The following ZFC3H1 variants were observed in gnomAD, a reference collection of about 807,000 sequenced individuals.
ZFC3H1 encodes zinc finger C3H1-type containing.
ZFC3H1 carries 71 observed loss-of-function variants against 243.7 expected under a neutral mutation model. The observed-to-expected ratio is 0.29, with a 90% CI of 0.24 to 0.36. ZFC3H1 has a LOEUF of 0.36. ZFC3H1 is among the 10% of genes least tolerant of loss of function. The pLI, the probability that ZFC3H1 is intolerant of heterozygous loss-of-function variation, is 1.00. For synonymous variants in ZFC3H1, 838 were observed against 813.0 expected, an observed-to-expected ratio of 1.03 and a Z score of -0.52; for missense variants, 1,966 against 2,317.1, an observed-to-expected ratio of 0.85 and a Z score of 3.11.
intron 22 of ZFC3H1, among the ~76,000 whole-genome samples, chr12:71,626,006 C>T (rs1202046196): frequency 4.6e-5 from 7 of 152,030 alleles, no homozygotes; most frequent in Non-Finnish European, 8.8e-5. Context: ...AACAATTTTA[C>T]ATTTTTTCTT....
intron 27 of ZFC3H1, among the ~76,000 whole-genome samples, chr12:71,616,653 G>C (rs143828608): frequency 6.6e-6 from 1 of 152,120 alleles, no homozygotes; most frequent in Non-Finnish European, 1.5e-5. Context: ...GTTTTTAAAG[G>C]AAATACATTG....
Position 71,613,339 on chromosome 12 carries a change from A to C in ZFC3H1, c.5623T>G (p.Leu1875Val). Residue 1875 changes from leucine (L) to valine (V), a missense_variant, in exon 31 of 35, where the codon TTG becomes GTG. Leu to Val is a conservative substitution (Grantham distance 32). This residue lies in a region of ZFC3H1 where 1,383 missense variants were observed against 1,723.7 expected (regional missense o/e 0.80). Transcript: ENST00000378743. Reference sequence around the variant, plus strand: ...AGAATGTTAAGTTTTTCTTACCTCAATGCAAGTCCAGAATTAGCTGGCATA... The same window carrying C: ...AGAATGTTAAGTTTTTCTTACCTCACTGCAAGTCCAGAATTAGCTGGCATA... ...SVMPANSGLA[L>V]RLLQHEWEES... The C allele has an allele frequency of 6.2e-7, 1 of 1,608,668 alleles. No individual in the cohort carries two copies. Among genetic ancestry groups the C allele is most frequent in the Non-Finnish European group, 8.5e-7 (1 of 1,176,710 alleles).
intron 21 of ZFC3H1, among the ~76,000 whole-genome samples, chr12:71,627,139 C>A (rs1307886209): frequency 1.3e-5 from 2 of 150,606 alleles, no homozygotes; most frequent in South Asian, 2.1e-4. Flanking sequence ...AAAAAAAAAA[C>A]CCTTGAATTA....
intron 18 of ZFC3H1, among the ~76,000 whole-genome samples, chr12:71,630,142 G>A (rs879630856): frequency 7.9e-5 from 12 of 152,106 alleles, no homozygotes; most frequent in South Asian, 4.1e-4. Context: ...AGTGTATCAA[G>A]TCTTATTTCA....
At chr12:71,626,725 T>C (rs920803222) in intron 21 of ZFC3H1, among the ~76,000 whole-genome samples, 2 of 152,218 alleles carry the variant, frequency 1.3e-5, no homozygotes, top group Non-Finnish European at 2.9e-5. Flanking sequence ...GATTATCAAC[T>C]TCAAATGTGC....
rs1406760379 is a variant in ZFC3H1 at position 71,663,683 on chromosome 12, TTC to T, written c.-75_-74del. ...CCGCCCGACAATTGCCTCGTTTCCC[TTC>T]TTTCCTAACGGACTGGGTCGGTGCG... On this transcript the variant is annotated 5_prime_UTR_variant, in exon 1 of 35. Transcript: ENST00000378743. 9 of 1,527,228 alleles carry T rather than the reference TTC, an allele frequency of 5.9e-6. No homozygotes were observed. In the Admixed American group the frequency reaches 7.1e-5, roughly 12 times the overall value. 94.6% of individuals were successfully genotyped at this position (1,527,228 alleles called of 1,614,324 possible). A position where few individuals can be genotyped will look rare whatever the true frequency, so the allele number is the denominator to read the frequency against.
chr12:71,613,237 GAAC>G (rs1879815665), intron 31 of ZFC3H1, 95 bp downstream of exon 31: 1 of 822,138 alleles, frequency 1.2e-6, no homozygotes. Context: ...GGACATAGTG[GAAC>G]AACAGACTAT....
chr12:71,636,885 TAAG>T lies in ZFC3H1; in HGVS notation c.1897_1899del (p.Leu633del). 6.2e-7 allele frequency: 1 copy of T among 1,614,006 alleles called. No individual in the cohort carries two copies. Among genetic ancestry groups the T allele is most frequent in the African/African-American group, 1.3e-5 (1 of 75,006 alleles). ...AAAGCTCTTTTATTTGCTAGAGATT[TAAG>T]TAGTTCTTCTCGAAGCAGCATTTCT... On this transcript the variant is annotated inframe_deletion, in exon 8 of 35. Coordinates refer to ENST00000378743, the MANE Select transcript of ZFC3H1 (RefSeq NM_144982.5).
chr12:71,636,850 C>G lies in ZFC3H1; in HGVS notation c.1935G>C (p.Glu645Asp). The part of the protein sequence containing the change: ...SLANKRAFKP[E>D]ETSSNSDPPS... ...CTAGAGGTTTAGGTACCTAAATTAC[C>G]TCTGGCTTAAAAGCTCTTTTATTTG... Residue 645 changes from glutamate (E) to aspartate (D), a missense_variant and splice_region_variant, in exon 8 of 35, where the codon GAG becomes GAC. Glu to Asp is a conservative substitution (Grantham distance 45). This residue lies in a region of ZFC3H1 where 1,383 missense variants were observed against 1,723.7 expected (regional missense o/e 0.80). Transcript: ENST00000378743. The G allele has an allele frequency of 6.2e-7, 1 of 1,613,690 alleles. No individual in the cohort carries two copies. The highest frequency in any genetic ancestry group is 8.5e-7 in the Non-Finnish European group (1 of 1,179,836).
At chr12:71,662,308 A>T (rs1881199512) in intron 1 of ZFC3H1, among the ~76,000 whole-genome samples, 1 of 152,182 alleles carries the variant, frequency 6.6e-6, no homozygotes, top group Non-Finnish European at 1.5e-5. Flanking sequence ...TAACGTATTA[A>T]AATAAAAATG....
At chr12:71,619,788 A>G (rs1879979170) in intron 26 of ZFC3H1, 138 bp downstream of exon 26, 1 of 735,996 alleles carries the variant, frequency 1.4e-6, no homozygotes, top group Non-Finnish European at 2.2e-6. Context: ...CACTGTACTA[A>G]GTGCTATGGC....
intron 3 of ZFC3H1, among the ~76,000 whole-genome samples, chr12:71,647,028 G>A (rs558277358): frequency 6.6e-5 from 10 of 152,112 alleles, no homozygotes; most frequent in African/African-American, 2.2e-4. Flanking sequence ...TATTGTGAGG[G>A]TATTAAAAAA....
chr12:71,620,358 A>T, intron 24 of ZFC3H1, 43 bp from the exon 25 acceptor site: 1 of 1,595,156 alleles, frequency 6.3e-7, no homozygotes, highest in Non-Finnish European at 8.6e-7. Context: ...GTCAATCATA[A>T]AAATGAAATA....
In ZFC3H1 at chr12:71,631,855, T is replaced by C. The variant is rs750550305; in HGVS notation, c.3393A>G (p.Ala1131=). The C allele has an allele frequency of 1.8e-5, 29 of 1,613,656 alleles. No homozygotes were observed. Among genetic ancestry groups the C allele is most frequent in the Non-Finnish European group, 2.3e-5 (27 of 1,179,810 alleles). The change falls in exon 16 of 35, where the codon GCA becomes GCG. Residue 1131 remains alanine (A), a synonymous_variant. Coordinates refer to ENST00000378743, the MANE Select transcript of ZFC3H1 (RefSeq NM_144982.5). ...GCTTCACTTCCATTGTTTTACTTTG[T>C]GCTGTGACAAAATCCACATCTACAG... ...EISVDVDFVT[A]QSKTMEVKPC... is the part of the protein sequence containing the mutation.
chr12:71,611,132 AAGG>A, intron 32 of ZFC3H1, 35 bp from the exon 33 acceptor site: 1 of 1,521,096 alleles, frequency 6.6e-7, no homozygotes, highest in Non-Finnish European at 8.8e-7. Flanking sequence ...AATATAGAAA[AAGG>A]AAAAGAAAAA....
At position 71,663,576 on chromosome 12, in the gene ZFC3H1, C is replaced by T. The variant is rs1201434595; in HGVS notation, c.35G>A (p.Ser12Asn). The change falls in exon 1 of 35, where the codon AGT (serine) becomes AAT (asparagine). Residue 12 changes from serine to asparagine, a missense_variant. Ser to Asn is a conservative substitution (Grantham distance 46). This residue lies in a region of ZFC3H1 where 484 missense variants were observed against 449.7 expected (regional missense o/e 1.08). Coordinates refer to ENST00000378743, the MANE Select transcript of ZFC3H1 (RefSeq NM_144982.5). The stretch of plus-strand genomic sequence containing the variant: ...CCCTTCTTCCTTCGGCGAGAGGCCA[C>T]TGGAGGCCGGGGCCGGAGTATCTGC... ...ATADTPAPASSGLSPKEEGEL... is the reference protein window; with the variant it reads ...ATADTPAPASNGLSPKEEGEL... The T allele has an allele frequency of 6.2e-7, 1 of 1,612,528 alleles. No homozygotes were observed. Among genetic ancestry groups the T allele is most frequent in the Middle Eastern group, 1.6e-4 (1 of 6,062 alleles).
At chr12:71,631,087 T>A in intron 16 of ZFC3H1, 133 bp from the exon 17 acceptor site, 2 of 918,814 alleles carry the variant, frequency 2.2e-6, no homozygotes, top group Non-Finnish European at 3.0e-6. Context: ...CTAATTAAAT[T>A]AATGCCAAAA....
Position 71,628,965 on chromosome 12 carries a change from T to C in ZFC3H1, c.3899A>G (p.Asn1300Ser), listed in dbSNP as rs1880242924. ...CTGTTCCTCATCACTACTGAAGCTA[T>C]TATCTGAAATAGGTTTTCTCCAAAA... is the stretch of plus-strand genomic sequence containing the variant. Reference protein sequence around the residue: ...PKFWRKPISDNSFSSDEEQST... With the variant: ...PKFWRKPISDSSFSSDEEQST... The change falls in exon 20 of 35, where the codon AAT becomes AGT. Residue 1300 changes from asparagine to serine, a missense_variant. Around this residue, in one of 4 missense-constraint regions of ZFC3H1, gnomAD observed 1,383 missense variants for 1,723.7 expected, o/e 0.80. Coordinates refer to ENST00000378743, the MANE Select transcript of ZFC3H1 (RefSeq NM_144982.5). 6.2e-7 allele frequency: 1 copy of C among 1,613,248 alleles called. No homozygotes were observed. The highest frequency in any genetic ancestry group is 1.1e-5 in the South Asian group (1 of 90,940).
chr12:71,619,439 A>G, intron 26 of ZFC3H1, 30 bp from the exon 27 acceptor site: 2 of 1,591,918 alleles, frequency 1.3e-6, no homozygotes, highest in South Asian at 1.1e-5. Flanking sequence ...GGGGATATAT[A>G]TCAGGCTTAC....
Sources: allele counts gnomAD v4.1 joint callset (sites outside exome capture counted in the v4.1 genomes callset), GRCh38; gene constraint gnomAD v4.1.1; regional missense constraint gnomAD v4.1.1; transcripts MANE v1.5; gene names NCBI Gene and HGNC (gene_info 2026-07-23, HGNC 2026-07-21).